RRH: variants seen among roughly 807,000 people sequenced by gnomAD.
RRH encodes the protein visual pigment-like receptor peropsin.
In RRH, 36 loss-of-function variants were observed where a neutral mutation model predicts 33.1. The observed-to-expected ratio is 1.09, with a 90% CI of 0.83 to 1.44. RRH has a LOEUF of 1.44. Among genes scored for constraint, RRH ranks in the 40% most tolerant of loss-of-function variants. The pLI, the probability that RRH is intolerant of heterozygous loss-of-function variation, is 0.00. For synonymous variants in RRH, 124 were observed against 140.2 expected, an observed-to-expected ratio of 0.88 and a Z score of 0.82; for missense variants, 393 against 420.2, an observed-to-expected ratio of 0.94 and a Z score of 0.57.
At chr4:109,834,524 T>TC (rs1553921332) in intron 2 of RRH, among the ~76,000 whole-genome samples, 1 of 149,392 alleles carries the variant, frequency 6.7e-6, no homozygotes, top group Non-Finnish European at 1.5e-5. Context: ...TTTTTTTTTT[T>TC]AGTAATGACG....
Position 109,844,301 on chromosome 4 carries a change from C to A in RRH, c.*104C>A. 2.6e-6 allele frequency: 2 copies of A among 756,198 alleles called. No homozygotes were observed. The highest frequency in any genetic ancestry group is 1.9e-5 in the Admixed American group (1 of 53,214). The allele number at this position is 756,198 out of a possible 1,614,324, so 46.8% of individuals were successfully genotyped here. On this transcript the variant is annotated 3_prime_UTR_variant, in exon 7 of 7. Transcript: ENST00000317735. ...TCAAGTGCAGACATGGATCATTGTCCTATGAGAGTGTAAGCTCCTCAAGCA... is the reference window on the plus strand; with the variant it reads ...TCAAGTGCAGACATGGATCATTGTCATATGAGAGTGTAAGCTCCTCAAGCA...
chr4:109,834,130 AT>A (rs1733826567), intron 2 of RRH, among the ~76,000 whole-genome samples: 1 of 152,186 alleles, frequency 6.6e-6, no homozygotes. Flanking sequence ...TGTAAATGAT[AT>A]CATATTGTTT....
chr4:109,829,664 T>A (rs1475470504), intron 1 of RRH, among the ~76,000 whole-genome samples: 1 of 152,148 alleles, frequency 6.6e-6, no homozygotes, highest in Non-Finnish European at 1.5e-5. Context: ...TCAGTTTTAT[T>A]TCTCTAGTTT....
At chr4:109,841,732 T>C (rs1733986100) in intron 5 of RRH, among the ~76,000 whole-genome samples, 1 of 152,212 alleles carries the variant, frequency 6.6e-6, no homozygotes, top group Admixed American at 6.5e-5. Flanking sequence ...TTGCCACTTA[T>C]CCAATGGCCA....
At chr4:109,842,321 CA>C in intron 5 of RRH, 147 bp from the exon 6 acceptor site, 1 of 714,416 alleles carries the variant, frequency 1.4e-6, no homozygotes, top group South Asian at 1.9e-5. Context: ...ACATTGAAGG[CA>C]GAAAAAAAAC....
chr4:109,834,330 T>C (rs1040502788), intron 2 of RRH, among the ~76,000 whole-genome samples: 3 of 148,928 alleles, frequency 2.0e-5, no homozygotes, highest in African/African-American at 7.4e-5. Context: ...TTTTCCTTTT[T>C]TTTTTTTTTT....
At chr4:109,839,066 C>T (rs1284927972) in intron 5 of RRH, among the ~76,000 whole-genome samples, 1 of 147,172 alleles carries the variant, frequency 6.8e-6, no homozygotes, top group African/African-American at 2.7e-5. Context: ...ATTTTCTCTC[C>T]TATATTGTCT....
chr4:109,829,104 G>T (rs1313703541), intron 1 of RRH, among the ~76,000 whole-genome samples: 1 of 151,912 alleles, frequency 6.6e-6, no homozygotes, highest in Non-Finnish European at 1.5e-5. Context: ...TTTTTGGATT[G>T]ACTTTTATAA....
At position 109,835,423 on chromosome 4, in the gene RRH, G is replaced by A. The variant is rs200736180; in HGVS notation, c.355G>A (p.Val119Met). 3.8e-4 allele frequency: 620 copies of A among 1,614,026 alleles called. No individual in the cohort carries two copies. The highest frequency in any genetic ancestry group is 4.7e-4 in the Non-Finnish European group (560 of 1,179,950). Residue 119 changes from valine to methionine, a missense_variant, in exon 3 of 7, where the codon GTG becomes ATG. Val to Met is a conservative substitution (Grantham distance 21, BLOSUM62 1). Transcript: ENST00000317735. Reference sequence around the variant, plus strand: ...GGCAAGCATTGGATTACTCACGGTCGTGGCTGTGGACCGATACCTGACCAT... The same window carrying A: ...GGCAAGCATTGGATTACTCACGGTCATGGCTGTGGACCGATACCTGACCAT... ...GMASIGLLTV[V>M]AVDRYLTICL...
At chr4:109,837,630 A>G in intron 5 of RRH, 25 bp downstream of exon 5, 1 of 1,599,698 alleles carries the variant, frequency 6.3e-7, no homozygotes, top group Non-Finnish European at 8.5e-7. Context: ...TCCTTGAAAA[A>G]TTGTTGTCAT....
At chr4:109,840,828 C>A (rs1425783528) in intron 5 of RRH, among the ~76,000 whole-genome samples, 1 of 151,522 alleles carries the variant, frequency 6.6e-6, no homozygotes, top group Non-Finnish European at 1.5e-5. Flanking sequence ...AAGAGTAATG[C>A]ATTAAAAATG....
rs1733889760 is a variant in RRH, at chr4:109,836,613, C to T, written c.551+453C>T. Reference sequence around the variant, plus strand: ...CTGCGTAGCAAAAGCACAGTCACTGCAAAGATTTGCCTGCTAGTTAGTGAG... The same window carrying T: ...CTGCGTAGCAAAAGCACAGTCACTGTAAAGATTTGCCTGCTAGTTAGTGAG... On this transcript the variant is annotated intron_variant, in intron 4 of 6. Coordinates refer to ENST00000317735, the MANE Select transcript of RRH (RefSeq NM_006583.5). Among the ~76,000 whole-genome samples the T allele has an allele frequency of 2.6e-5, 4 of 152,170 alleles. 1 individual carries two copies. In the South Asian group the frequency reaches 8.3e-4, roughly 31 times the overall value.
chr4:109,831,336 A>G (rs1733746892), intron 1 of RRH, among the ~76,000 whole-genome samples: 1 of 152,176 alleles, frequency 6.6e-6, no homozygotes, highest in Non-Finnish European at 1.5e-5. Context: ...TGTGCTAATT[A>G]TCTTGAAGGA....
intron 1 of RRH, 31 bp downstream of exon 1, chr4:109,828,164 T>A: frequency 1.4e-6 from 2 of 1,451,788 alleles, no homozygotes; most frequent in Non-Finnish European, 1.9e-6. Flanking sequence ...TATTTTTCTT[T>A]AGAATGGGTG....
chr4:109,831,333 A>C (rs1021483579), intron 1 of RRH, among the ~76,000 whole-genome samples: 1 of 152,188 alleles, frequency 6.6e-6, no homozygotes, highest in African/African-American at 2.4e-5. Flanking sequence ...TTGTGTGCTA[A>C]TTATCTTGAA....
intron 2 of RRH, among the ~76,000 whole-genome samples, chr4:109,834,417 C>T (rs1470032815): frequency 6.6e-6 from 1 of 150,650 alleles, no homozygotes; most frequent in African/African-American, 2.4e-5. Context: ...GCAAGCTCTG[C>T]CTTCTGGGTT....
chr4:109,835,409 G>T lies in RRH; in HGVS notation c.341G>T (p.Gly114Val). Residue 114 changes from glycine to valine, a missense_variant, in exon 3 of 7, where the codon GGA becomes GTA. Coordinates refer to ENST00000317735, the MANE Select transcript of RRH (RefSeq NM_006583.5). ...LNIFFGMASI[G>V]LLTVVAVDRY... ...ATTTTTTTTGGAATGGCAAGCATTG[G>T]ATTACTCACGGTCGTGGCTGTGGAC... 6.2e-7 allele frequency: 1 copy of T among 1,614,116 alleles called. No individual in the cohort carries two copies. Among genetic ancestry groups the T allele is most frequent in the Non-Finnish European group, 8.5e-7 (1 of 1,180,012 alleles).
chr4:109,828,508 G>C (rs893298427), intron 1 of RRH, among the ~76,000 whole-genome samples: 1 of 151,938 alleles, frequency 6.6e-6, no homozygotes, highest in Non-Finnish European at 1.5e-5. Flanking sequence ...TATTGGAGAA[G>C]AGTATGCACC....
Position 109,833,363 on chromosome 4 carries a change from A to G in RRH, c.297+34A>G, listed in dbSNP as rs189053266. The G allele has an allele frequency of 1.0e-3, 1,529 of 1,506,588 alleles. 6 individuals are homozygous for G. The African/African-American group carries it at 0.016, about 16-fold the overall frequency. The allele number at this position is 1,506,588 out of a possible 1,614,324, so 93.3% of individuals were successfully genotyped here. ...GATCATTGGAATGAAAGCAAAATAA[A>G]TAGATCAAATAAATGTAAATTTAAA... On this transcript the variant is annotated intron_variant, in intron 2 of 6. Coordinates refer to ENST00000317735, the MANE Select transcript of RRH (RefSeq NM_006583.5).
Sources: gnomAD v4.1 joint callset for allele counts (sites outside exome capture counted in the v4.1 genomes callset) on GRCh38, gnomAD v4.1.1 for gene constraint, MANE v1.5 for transcripts, NCBI Gene and HGNC (gene_info 2026-07-23, HGNC 2026-07-21) for gene names.